Variants in IFT88 observed in about 807,000 individuals in gnomAD.
IFT88 encodes the protein intraflagellar transport 88.
In IFT88, 74 loss-of-function variants were observed where a neutral mutation model predicts 119.5. That is an observed-to-expected ratio of 0.62 (90% CI 0.51 to 0.75). The LOEUF (loss-of-function observed/expected upper bound fraction) is 0.75, where lower values mean the gene tolerates loss of function less well. Among genes scored for constraint, IFT88 ranks in the 30% least tolerant of loss-of-function variants. The pLI, the probability that IFT88 is intolerant of heterozygous loss-of-function variation, is 0.00. For missense variants in IFT88, 961 were observed against 977.7 expected (o/e 0.98, Z 0.23); for synonymous variants, 279 against 316.7 (o/e 0.88, Z 1.26).
chr13:20,615,787 A>G lies in IFT88; in HGVS notation c.1113-6A>G. ...TAAATACAACTTTTTGGTTTATTTG[A>G]TATAGGAAAGCCATGGCAGAAAAAT... is the stretch of plus-strand genomic sequence containing the variant. On this transcript the variant is annotated splice_polypyrimidine_tract_variant and splice_region_variant and intron_variant, in intron 13 of 25. Transcript: ENST00000351808. 1 of 1,559,246 alleles carries G rather than the reference A, an allele frequency of 6.4e-7. No individual in the cohort carries two copies. Among genetic ancestry groups the G allele is most frequent in the Non-Finnish European group, 8.7e-7 (1 of 1,144,442 alleles).
intron 24 of IFT88, among the ~76,000 whole-genome samples, chr13:20,686,731 C>G (rs1479856673): frequency 6.6e-6 from 1 of 152,056 alleles, no homozygotes. Context: ...TTTTTTCTAT[C>G]TTAAGTTTAT....
At chr13:20,605,934 C>T (rs2139288034) in intron 13 of IFT88, among the ~76,000 whole-genome samples, 1 of 152,252 alleles carries the variant, frequency 6.6e-6, no homozygotes, top group African/African-American at 2.4e-5. Context: ...TCTGGGTGCA[C>T]CACCCTCCCA....
chr13:20,628,945 A>G (rs574597071), intron 15 of IFT88, among the ~76,000 whole-genome samples: 1 of 152,314 alleles, frequency 6.6e-6, no homozygotes, highest in South Asian at 2.1e-4. Flanking sequence ...TTCCTTGACT[A>G]TAATGTAAAT....
intron 24 of IFT88, 36 bp from the exon 25 acceptor site, chr13:20,690,669 T>TTA: frequency 7.5e-7 from 1 of 1,327,070 alleles, no homozygotes; most frequent in South Asian, 1.2e-5. Flanking sequence ...TTTCTCAACA[T>TTA]ATTAAACAAA....
chr13:20,616,902 A>T (rs2045710424), intron 14 of IFT88, among the ~76,000 whole-genome samples: 1 of 152,034 alleles, frequency 6.6e-6, no homozygotes. Flanking sequence ...ACTGTTGTCT[A>T]TGTGGTTGGT....
chr13:20,640,792 T>C (rs2049813442), intron 17 of IFT88, among the ~76,000 whole-genome samples: 1 of 152,014 alleles, frequency 6.6e-6, no homozygotes, highest in Admixed American at 6.6e-5. Context: ...CACTGAAGCT[T>C]TGTAGCATCT....
chr13:20,567,774 CA>C, intron 1 of IFT88: 2 of 1,341,316 alleles, frequency 1.5e-6, no homozygotes, highest in Non-Finnish European at 1.9e-6. Context: ...GGAAACATTC[CA>C]AAAACGTGAA....
intron 3 of IFT88, among the ~76,000 whole-genome samples, chr13:20,585,034 T>C (rs2039408124): frequency 6.6e-6 from 1 of 152,246 alleles, no homozygotes; most frequent in South Asian, 2.1e-4. Flanking sequence ...TCTGCTGTTA[T>C]CTTCCCTCAC....
At chr13:20,612,174 C>T (rs1006803200) in intron 13 of IFT88, 2 of 152,004 alleles carry the variant, frequency 1.3e-5, no homozygotes, top group African/African-American at 2.4e-5. Flanking sequence ...TCTTCTCAGC[C>T]GTGTGGCTGA....
chr13:20,631,295 A>G (rs2140101657), intron 16 of IFT88, 193 bp downstream of exon 16: 1 of 522,426 alleles, frequency 1.9e-6, no homozygotes. Context: ...TGAGAACACC[A>G]TCTCTGAAGG....
intron 22 of IFT88, among the ~76,000 whole-genome samples, chr13:20,659,795 C>T (rs2053493895): frequency 6.6e-6 from 1 of 152,096 alleles, no homozygotes; most frequent in Admixed American, 6.6e-5. Context: ...AGGTGCCTGC[C>T]ACCATGCCCA....
chr13:20,685,639 G>A (rs918025121), intron 24 of IFT88, among the ~76,000 whole-genome samples: 1 of 152,166 alleles, frequency 6.6e-6, no homozygotes, highest in Non-Finnish European at 1.5e-5. Context: ...GGGAGGCCAA[G>A]GCAGGCAGAT....
chr13:20,687,601 A>G (rs2058067666), intron 24 of IFT88, among the ~76,000 whole-genome samples: 1 of 152,162 alleles, frequency 6.6e-6, no homozygotes, highest in Non-Finnish European at 1.5e-5. Context: ...TTTAAATGAC[A>G]TTTTTGTATA....
At chr13:20,631,524 A>G (rs1366545006) in intron 16 of IFT88, 1 of 160,010 alleles carries the variant, frequency 6.2e-6, no homozygotes, top group East Asian at 1.8e-4. Flanking sequence ...CAAAAGTCTA[A>G]AAGCTCCCTA....
At chr13:20,618,578 G>A (rs1243292481) in intron 14 of IFT88, among the ~76,000 whole-genome samples, 2 of 152,136 alleles carry the variant, frequency 1.3e-5, no homozygotes, top group Non-Finnish European at 2.9e-5. Flanking sequence ...CCCACATACA[G>A]CTCTATACTA....
At chr13:20,602,508 C>T (rs1309275510) in intron 12 of IFT88, among the ~76,000 whole-genome samples, 1 of 152,064 alleles carries the variant, frequency 6.6e-6, no homozygotes, top group African/African-American at 2.4e-5. Flanking sequence ...AGGGTAATAT[C>T]TTGACCAAGA....
Position 20,690,758 on chromosome 13 carries a change from C to T in IFT88, c.2296C>T (p.Leu766Phe). 1 of 1,613,932 alleles carries T rather than the reference C, an allele frequency of 6.2e-7. No individual in the cohort carries two copies. The highest frequency in any genetic ancestry group is 1.1e-5 in the South Asian group (1 of 91,074). The change falls in exon 25 of 26, where the codon CTC becomes TTC. Residue 766 changes from leucine (L) to phenylalanine (F), a missense_variant. By Grantham distance (22) the Leu-to-Phe change is conservative. Coordinates refer to ENST00000351808, the MANE Select transcript of IFT88 (RefSeq NM_006531.5). ...SSKGERLSAR[L>F]RALPGTNEPY... Reference sequence around the variant, plus strand: ...TAAAGGTGAACGACTAAGTGCCAGACTCAGAGCTTTACCTGGGACAAATGA... The same window carrying T: ...TAAAGGTGAACGACTAAGTGCCAGATTCAGAGCTTTACCTGGGACAAATGA...
chr13:20,612,576 A>C (rs148415268), intron 13 of IFT88, among the ~76,000 whole-genome samples: 1 of 152,236 alleles, frequency 6.6e-6, no homozygotes. Context: ...ATTAATGTAC[A>C]GATTCAGTGC....
At chr13:20,590,146 G>A (rs558289087) in intron 4 of IFT88, among the ~76,000 whole-genome samples, 34 of 152,122 alleles carry the variant, frequency 2.2e-4, no homozygotes, top group South Asian at 6.2e-4. Flanking sequence ...ACCAAGTCTC[G>A]TGTATTCCAT....
Sources: allele counts gnomAD v4.1 joint callset (sites outside exome capture counted in the v4.1 genomes callset), GRCh38; gene constraint gnomAD v4.1.1; transcripts MANE v1.5; gene names NCBI Gene and HGNC (gene_info 2026-07-23, HGNC 2026-07-21).